Variants in CRB1 observed in about 807,000 individuals in gnomAD.
The protein encoded by CRB1 is protein crumbs homolog 1.
A neutral mutation model predicts 120.0 loss-of-function variants in CRB1; 83 were observed. That is an observed-to-expected ratio of 0.69 (90% confidence interval 0.58 to 0.83). The LOEUF (loss-of-function observed/expected upper bound fraction) is 0.83. Among genes scored for constraint, CRB1 ranks in the 40% least tolerant of loss-of-function variants. The pLI, the probability that CRB1 is intolerant of heterozygous loss-of-function variation, is 0.00. For missense variants in CRB1, 1,699 were observed against 1,687.6 expected, an observed-to-expected ratio of 1.01 and a Z score of -0.12; for synonymous variants, 625 against 612.5, an observed-to-expected ratio of 1.02 and a Z score of -0.30.
chr1:197,394,389 A>G (rs958685634), intron 5 of CRB1, among the ~76,000 whole-genome samples: 1 of 152,074 alleles, frequency 6.6e-6, no homozygotes, highest in African/African-American at 2.4e-5. Context: ...CTTCCAGTCA[A>G]CTGTAGGCTA....
the CRB1 span, among the ~76,000 whole-genome samples, chr1:197,208,123 T>G: frequency 6.6e-6 from 1 of 152,152 alleles, no homozygotes; most frequent in Non-Finnish European, 1.5e-5. Flanking sequence ...TCCCTTCATA[T>G]CTTGTATCTG....
intron 5 of CRB1, among the ~76,000 whole-genome samples, chr1:197,408,931 A>T (rs1663556088): frequency 6.6e-6 from 1 of 152,218 alleles, no homozygotes; most frequent in South Asian, 2.1e-4. Context: ...CTGAGCTTCA[A>T]AGTATGACTT....
chr1:197,387,628 A>C (rs1283354495), intron 5 of CRB1, among the ~76,000 whole-genome samples: 1 of 152,024 alleles, frequency 6.6e-6, no homozygotes, highest in African/African-American at 2.4e-5. Context: ...CCTTCAGTTA[A>C]AGGAAATGAA....
chr1:197,396,098 A>T (rs1366822765), intron 5 of CRB1, among the ~76,000 whole-genome samples: 1 of 152,206 alleles, frequency 6.6e-6, no homozygotes, highest in African/African-American at 2.4e-5. Flanking sequence ...GAAAATTTCA[A>T]AGAATTTGCC....
At chr1:197,325,034 G>A (rs139780130) in intron 1 of CRB1, among the ~76,000 whole-genome samples, 1 of 152,156 alleles carries the variant, frequency 6.6e-6, no homozygotes, top group African/African-American at 2.4e-5. Flanking sequence ...TGTTCTGCTT[G>A]ATTTTATCAA....
the CRB1 span, among the ~76,000 whole-genome samples, chr1:197,206,798 C>G: frequency 6.6e-6 from 1 of 151,990 alleles, no homozygotes; most frequent in African/African-American, 2.4e-5. Flanking sequence ...TGTTTAATTT[C>G]TGTCTTGATA....
intron 2 of CRB1, among the ~76,000 whole-genome samples, chr1:197,331,903 G>A (rs944620986): frequency 1.3e-5 from 2 of 152,138 alleles, no homozygotes; most frequent in African/African-American, 2.4e-5. Context: ...GGCCAGGTGT[G>A]GTGGCTCACG....
chr1:197,223,940 G>A, the CRB1 span, among the ~76,000 whole-genome samples: 2 of 152,118 alleles, frequency 1.3e-5, no homozygotes, highest in East Asian at 3.9e-4. Flanking sequence ...AAATCATTGA[G>A]GCATGAACAT....
intron 1 of CRB1, among the ~76,000 whole-genome samples, chr1:197,313,853 C>T (rs1657690508): frequency 6.6e-6 from 1 of 152,190 alleles, no homozygotes; most frequent in South Asian, 2.1e-4. Flanking sequence ...GATTCCATAT[C>T]TCGCCTATTG....
chr1:197,282,541 A>G (rs1241228789), intron 1 of CRB1, among the ~76,000 whole-genome samples: 1 of 151,936 alleles, frequency 6.6e-6, no homozygotes, highest in Middle Eastern at 3.2e-3. Flanking sequence ...GCACGTTTAT[A>G]CTAATAAAAT....
At chr1:197,449,428 G>A (rs1380325651) in intron 11 of CRB1, among the ~76,000 whole-genome samples, 5 of 151,998 alleles carry the variant, frequency 3.3e-5, no homozygotes, top group Admixed American at 1.3e-4. Context: ...GTGCAGTGGC[G>A]CAATCTCGGC....
chr1:197,222,875 T>C, the CRB1 span: 3 of 1,425,172 alleles, frequency 2.1e-6, no homozygotes, highest in Non-Finnish European at 3.0e-6. Flanking sequence ...TGGATGAAAT[T>C]GGGAAGCATT....
chr1:197,379,857 A>T (rs1661857087), intron 5 of CRB1, among the ~76,000 whole-genome samples: 1 of 152,196 alleles, frequency 6.6e-6, no homozygotes, highest in Non-Finnish European at 1.5e-5. Flanking sequence ...ATGATAACAT[A>T]ATTTTATTTC....
chr1:197,281,989 A>G lies in CRB1; in HGVS notation c.70+13507A>G, dbSNP rs1571759897. ...TAAAAAAAATTATAGACTATATAAA[A>G]CTTGCGATATAAAATATTAACTTGC... On this transcript the variant is annotated intron_variant, in intron 1 of 11. Coordinates refer to ENST00000367400, the MANE Select transcript of CRB1 (RefSeq NM_201253.3). Among the ~76,000 whole-genome samples the G allele has an allele frequency of 4.0e-5, 6 of 151,756 alleles. No homozygotes were observed. In the South Asian group the frequency reaches 1.2e-3, roughly 32 times the overall value.
chr1:197,465,566 G>C (rs1188912602), intron 11 of CRB1, among the ~76,000 whole-genome samples: 1 of 152,140 alleles, frequency 6.6e-6, no homozygotes, highest in Non-Finnish European at 1.5e-5. Context: ...GTTTTAAGTT[G>C]CTTTGAGTTC....
rs117455842 is a variant in CRB1, at chr1:197,388,226, C to T, written c.1171+31213C>T. Among the ~76,000 whole-genome samples the T allele has an allele frequency of 7.2e-4, 110 of 152,092 alleles. No homozygotes were observed. In the East Asian group the frequency reaches 0.02, roughly 28 times the overall value. ...ATTTCTGGAAGACAAATTACTAAGG[C>T]ACAGGATATGAGCTACTTTAAGTTT... On this transcript the variant is annotated intron_variant, in intron 5 of 11. Transcript: ENST00000367400.
intron 5 of CRB1, among the ~76,000 whole-genome samples, chr1:197,365,190 A>T (rs1386790282): frequency 6.6e-6 from 1 of 152,156 alleles, no homozygotes; most frequent in Admixed American, 6.5e-5. Flanking sequence ...AGTGGTCAGA[A>T]GGTGTTTCCT....
the CRB1 span, among the ~76,000 whole-genome samples, chr1:197,255,965 T>TTA: frequency 0.13 from 11,212 of 85,150 alleles, 791 homozygotes; most frequent in Non-Finnish European, 0.17. Context: ...ATAGAACATT[T>TTA]TATATATATA....
intron 5 of CRB1, among the ~76,000 whole-genome samples, chr1:197,415,875 C>A (rs1663973152): frequency 6.6e-6 from 1 of 152,118 alleles, no homozygotes; most frequent in Non-Finnish European, 1.5e-5. Context: ...ATCTCCTGAT[C>A]TCGTGATCCG....
Sources: allele counts gnomAD v4.1 joint callset (sites outside exome capture counted in the v4.1 genomes callset), GRCh38; gene constraint gnomAD v4.1.1; transcripts MANE v1.5; gene names NCBI Gene and HGNC (gene_info 2026-07-23, HGNC 2026-07-21).